The following SLC18A1 variants were observed in gnomAD, a reference collection of about 807,000 sequenced individuals.
SLC18A1 encodes solute carrier family 18 member A1.
Under a neutral mutation model 53.7 loss-of-function variants are expected in SLC18A1, and 69 were observed. The observed-to-expected ratio is 1.28, with a 90% CI of 1.06 to 1.57. The LOEUF is 1.57. Among genes scored for constraint, SLC18A1 ranks in the 40% most tolerant of loss-of-function variants. The pLI is 0.00. For synonymous variants in SLC18A1, 320 were observed against 248.1 expected (o/e 1.29, Z -2.72); for missense variants, 932 against 668.1 (o/e 1.40, Z -4.35).
chr8:20,147,791 C>G (rs2071440660), intron 13 of SLC18A1, 69 bp from the exon 14 acceptor site: 4 of 1,581,158 alleles, frequency 2.5e-6, no homozygotes, highest in Non-Finnish European at 3.4e-6. Flanking sequence ...TCTCCTCCTC[C>G]ATTTAGTCCA....
At chr8:20,160,511 T>A (rs2071802221) in intron 10 of SLC18A1, among the ~76,000 whole-genome samples, 1 of 152,028 alleles carries the variant, frequency 6.6e-6, no homozygotes, top group African/African-American at 2.4e-5. Flanking sequence ...GGGTGAGGGA[T>A]TACACATTTT....
At chr8:20,166,636 A>G (rs2071974639) in intron 8 of SLC18A1, among the ~76,000 whole-genome samples, 2 of 151,722 alleles carry the variant, frequency 1.3e-5, no homozygotes, top group African/African-American at 2.4e-5. Flanking sequence ...CTTTTGGAAT[A>G]ATTTTGACTT....
chr8:20,150,044 A>G (rs1362296071), intron 11 of SLC18A1, among the ~76,000 whole-genome samples: 1 of 152,118 alleles, frequency 6.6e-6, no homozygotes. Flanking sequence ...AACTTAACTC[A>G]TGCTGTTGCC....
chr8:20,155,949 T>C (rs1043322586), intron 10 of SLC18A1, among the ~76,000 whole-genome samples: 4 of 152,210 alleles, frequency 2.6e-5, no homozygotes, highest in African/African-American at 9.6e-5. Context: ...GGAGGATTGC[T>C]CTGCCATTGT....
intron 12 of SLC18A1, chr8:20,148,405 C>A: frequency 8.1e-7 from 1 of 1,240,522 alleles, no homozygotes; most frequent in Non-Finnish European, 1.1e-6. Flanking sequence ...CTTCCTCTAC[C>A]CCTCTTCACC....
intron 10 of SLC18A1, among the ~76,000 whole-genome samples, chr8:20,159,664 G>GAAAAAAAA (rs1455777081): frequency 1.1e-5 from 1 of 89,650 alleles, no homozygotes; most frequent in Non-Finnish European, 2.4e-5. Flanking sequence ...AAAAAAAAAA[G>GAAAAAAAA]AAAGAAAAAG....
rs1206392463 is a variant in SLC18A1, at chr8:20,173,864, T to C, written c.631+497A>G. Among the ~76,000 whole-genome samples, 4 of 151,918 alleles carry C rather than the reference T, an allele frequency of 2.6e-5. No individual in the cohort carries two copies. In the East Asian group the frequency reaches 7.7e-4, roughly 29 times the overall value. On this transcript the variant is annotated intron_variant, in intron 5 of 15. Transcript: ENST00000276373. ...AAGTTATGTCAGGCTCAGAGATCTA[T>C]GGACCCTGTTAGAAACTCTGTAATT... is the stretch of plus-strand genomic sequence containing the variant.
Position 20,147,681 on chromosome 8 carries a change from C to G in SLC18A1, c.1252G>C (p.Val418Leu), listed in dbSNP as rs373084576. 4 of 1,613,798 alleles carry G rather than the reference C, an allele frequency of 2.5e-6. No homozygotes were observed. In the African/African-American group the frequency reaches 5.3e-5, roughly 22 times the overall value. The change falls in exon 14 of 16, where the codon GTG (valine) becomes CTG (leucine). Residue 418 changes from valine to leucine, a missense_variant. By Grantham distance (32) the Val-to-Leu change is conservative (BLOSUM62 1). Coordinates refer to ENST00000276373, the MANE Select transcript of SLC18A1 (RefSeq NM_003053.4). ...SSMMPIMGHL[V>L]DLRHTSVYGS... is the part of the protein sequence containing the mutation. ...TACACCGAGGTGTGGCGTAGATCCA[C>G]CAGGTGCCCCATGATGGGCATCATA...
In SLC18A1 at chr8:20,148,407, C is replaced by T. The variant is rs1190544650; in HGVS notation, c.1147-337G>A. ...GATACTTTCTCCCCTTCCTCTACCC[C>T]TCTTCACCTAAACATACACTCCTGG... On this transcript the variant is annotated intron_variant, in intron 12 of 15. Coordinates refer to ENST00000276373, the MANE Select transcript of SLC18A1 (RefSeq NM_003053.4). 1.0e-5 allele frequency: 13 copies of T among 1,256,402 alleles called. No homozygotes were observed. In the Admixed American group the frequency reaches 3.0e-4, roughly 29 times the overall value. The allele number at this position is 1,256,402 out of a possible 1,614,324, so 77.8% of individuals were successfully genotyped here. A position where few individuals can be genotyped will look rare whatever the true frequency, so the allele number is the denominator to read the frequency against.
chr8:20,183,068 A>T lies in SLC18A1; in HGVS notation c.-129T>A, dbSNP rs2128882007. 6.6e-6 allele frequency: 1 copy of T among 152,348 alleles called. No individual in the cohort carries two copies. Among genetic ancestry groups the T allele is most frequent in the South Asian group, 2.1e-4 (1 of 4,834 alleles). 9.4% of individuals were successfully genotyped at this position (152,348 alleles called of 1,614,324 possible). On this transcript the variant is annotated 5_prime_UTR_variant, in exon 1 of 16. Transcript: ENST00000276373. Reference sequence around the variant, plus strand: ...CGGAGAGAGAAAAATCTTACCTTGGAGCCCATGTTGGTGTGAGGCACTCAG... The same window carrying T: ...CGGAGAGAGAAAAATCTTACCTTGGTGCCCATGTTGGTGTGAGGCACTCAG...
At chr8:20,177,235 A>G (rs2072274301) in intron 4 of SLC18A1, among the ~76,000 whole-genome samples, 7 of 152,236 alleles carry the variant, frequency 4.6e-5, no homozygotes, top group Admixed American at 4.6e-4. Context: ...TCTCAGAGAC[A>G]ACCTCACATC....
At position 20,147,244 on chromosome 8, in the gene SLC18A1, T is replaced by C. The variant is rs1585185680; in HGVS notation, c.1464+14A>G. On this transcript the variant is annotated intron_variant, in intron 15 of 15. Coordinates refer to ENST00000276373, the MANE Select transcript of SLC18A1 (RefSeq NM_003053.4). ...CAGAAGTGAATTTCTCTTTTAACAGTCGGTGCTCCTTACAAGCTTCTCTTC... is the reference window on the plus strand; with the variant it reads ...CAGAAGTGAATTTCTCTTTTAACAGCCGGTGCTCCTTACAAGCTTCTCTTC... 1 of 1,584,390 alleles carries C rather than the reference T, an allele frequency of 6.3e-7. No individual in the cohort carries two copies. The highest frequency in any genetic ancestry group is 1.4e-5 in the African/African-American group (1 of 73,316).
intron 5 of SLC18A1, 48 bp downstream of exon 5, chr8:20,174,313 T>C: frequency 8.1e-7 from 1 of 1,236,238 alleles, no homozygotes; most frequent in Non-Finnish European, 1.2e-6. Flanking sequence ...GAGATGTGTG[T>C]GTGTGCATGC....
At chr8:20,158,118 C>T (rs768744379) in intron 10 of SLC18A1, among the ~76,000 whole-genome samples, 26 of 152,276 alleles carry the variant, frequency 1.7e-4, no homozygotes, top group Non-Finnish European at 3.1e-4. Flanking sequence ...ATGTCATCAC[C>T]CTCACAGAGC....
chr8:20,150,594 T>C (rs955521886), intron 11 of SLC18A1, 72 bp downstream of exon 11: 1 of 1,315,610 alleles, frequency 7.6e-7, no homozygotes, highest in Non-Finnish European at 1.1e-6. Context: ...CTGTTCATCA[T>C]TCCAAGATCA....
intron 12 of SLC18A1, chr8:20,148,311 G>A (rs1404327903): frequency 1.7e-6 from 1 of 602,922 alleles, no homozygotes; most frequent in Non-Finnish European, 2.8e-6. Flanking sequence ...GATCTAATGA[G>A]TGGCAAGATC....
intron 4 of SLC18A1, 140 bp downstream of exon 4, chr8:20,178,295 A>C: frequency 1.5e-6 from 1 of 662,492 alleles, no homozygotes. Flanking sequence ...CAAAAACAGC[A>C]GAGCATTTAA....
chr8:20,180,978 C>G lies in SLC18A1; in HGVS notation c.-14G>C. 1 of 1,561,116 alleles carries G rather than the reference C, an allele frequency of 6.4e-7. No individual in the cohort carries two copies. Among genetic ancestry groups the G allele is most frequent in the Non-Finnish European group, 8.7e-7 (1 of 1,152,680 alleles). On this transcript the variant is annotated 5_prime_UTR_variant, in exon 2 of 16. Transcript: ENST00000276373. The stretch of plus-strand genomic sequence containing the variant: ...GGTCCGGAGCATGGTGATGGCCGGA[C>G]TGGGGCAGTCTTCCCCTGCGGGCTC...
intron 2 of SLC18A1, 93 bp downstream of exon 2, chr8:20,180,748 C>T (rs1015074183): frequency 6.7e-7 from 1 of 1,498,258 alleles, no homozygotes; most frequent in African/African-American, 1.4e-5. Context: ...GGAAAATTCT[C>T]AGATGGATTC....
Sources: gnomAD v4.1 joint callset for allele counts (sites outside exome capture counted in the v4.1 genomes callset) on GRCh38, gnomAD v4.1.1 for gene constraint, MANE v1.5 for transcripts, NCBI Gene and HGNC (gene_info 2026-07-23, HGNC 2026-07-21) for gene names.